The following DACH2 variants were observed in gnomAD, a reference collection of about 807,000 sequenced individuals.
DACH2 encodes dachshund homolog 2.
In DACH2, 17 loss-of-function variants were observed where a neutral mutation model predicts 35.8. The ratio of observed to expected loss-of-function variants is 0.48; its 90% CI spans 0.33 to 0.71. The LOEUF (loss-of-function observed/expected upper bound fraction) is 0.71, where lower values mean the gene tolerates loss of function less well. Among genes scored for constraint, DACH2 ranks in the 30% least tolerant of loss-of-function variants. DACH2 has a pLI of 0.02. For missense variants in DACH2, 469 were observed against 472.7 expected (o/e 0.99, Z 0.07); for synonymous variants, 195 against 177.3 (o/e 1.10, Z -0.79).
At chrX:86,153,411 C>T (rs1347162902) in intron 1 of DACH2, among the ~76,000 whole-genome samples, 2 of 110,870 alleles carry the variant, frequency 1.8e-5, no homozygotes, top group Non-Finnish European at 3.8e-5. Context: ...TTATTATGAG[C>T]GCTCAATGAG....
chrX:86,205,486 TTCCC>T (rs766340631), intron 1 of DACH2, among the ~76,000 whole-genome samples: 968 of 46,624 alleles, frequency 0.021, 9 homozygotes, highest in African/African-American at 0.049. Flanking sequence ...CCTTCCCTCC[TTCCC>T]TCCTTCCTTC....
At chrX:86,784,144 TAA>T (rs1278713028) in intron 7 of DACH2, among the ~76,000 whole-genome samples, 1 of 103,374 alleles carries the variant, frequency 9.7e-6, no homozygotes, top group Non-Finnish European at 2.0e-5. Flanking sequence ...AGATAAAAAT[TAA>T]AAAAAAAACT....
chrX:86,424,703 C>G (rs1421318846), intron 2 of DACH2, among the ~76,000 whole-genome samples: 1 of 111,519 alleles, frequency 9.0e-6, no homozygotes, highest in Non-Finnish European at 1.9e-5. Flanking sequence ...CTAGCCAGGA[C>G]TTCCAGTACT....
At chrX:86,749,363 C>T (rs923308708) in intron 7 of DACH2, among the ~76,000 whole-genome samples, 1 of 111,697 alleles carries the variant, frequency 9.0e-6, no homozygotes, top group East Asian at 2.8e-4. Context: ...CGATTTAAAG[C>T]GAGATACATG....
At chrX:86,375,480 G>A (rs891572016) in intron 1 of DACH2, among the ~76,000 whole-genome samples, 8 of 103,112 alleles carry the variant, frequency 7.8e-5, no homozygotes, top group Non-Finnish European at 5.9e-5. Context: ...AAAAAGAGAC[G>A]GACCTTTGGT....
At chrX:86,756,111 C>T (rs2041826373) in intron 7 of DACH2, among the ~76,000 whole-genome samples, 2 of 111,224 alleles carry the variant, frequency 1.8e-5, no homozygotes, top group Non-Finnish European at 1.9e-5. Context: ...AATTTTTATA[C>T]CAAATACCAT....
intron 2 of DACH2, among the ~76,000 whole-genome samples, chrX:86,454,586 T>C (rs945771560): frequency 1.8e-5 from 2 of 112,426 alleles, no homozygotes; most frequent in African/African-American, 6.5e-5. Flanking sequence ...GTGATTGCAT[T>C]GTGAAATTCT....
At chrX:86,773,099 A>G (rs1207913079) in intron 7 of DACH2, among the ~76,000 whole-genome samples, 3 of 111,466 alleles carry the variant, frequency 2.7e-5, no homozygotes, top group Non-Finnish European at 5.7e-5. Flanking sequence ...GATTTTCCTA[A>G]CCTAAGGAAC....
intron 7 of DACH2, among the ~76,000 whole-genome samples, chrX:86,758,212 GT>G (rs2041847260): frequency 9.0e-6 from 1 of 111,536 alleles, no homozygotes; most frequent in Non-Finnish European, 1.9e-5. Context: ...CCAACTATGT[GT>G]TTTGTTGATT....
chrX:86,717,544 G>T (rs1030845705), intron 6 of DACH2, among the ~76,000 whole-genome samples: 3 of 109,033 alleles, frequency 2.8e-5, no homozygotes, highest in Non-Finnish European at 5.7e-5. Flanking sequence ...TGAGAGGTCT[G>T]TTATTAAAAT....
At chrX:86,400,288 T>C (rs1245444379) in intron 2 of DACH2, among the ~76,000 whole-genome samples, 2 of 111,339 alleles carry the variant, frequency 1.8e-5, no homozygotes, top group Non-Finnish European at 3.8e-5. Flanking sequence ...TCGTCTAGTT[T>C]TTTTTTCAAA....
At chrX:86,172,462 G>A (rs1459778226) in intron 1 of DACH2, among the ~76,000 whole-genome samples, 1 of 111,956 alleles carries the variant, frequency 8.9e-6, no homozygotes, top group Admixed American at 9.5e-5. Context: ...ACTATCTGAG[G>A]TTATTCTCAC....
At chrX:86,720,074 A>G (rs2148464449) in intron 6 of DACH2, among the ~76,000 whole-genome samples, 1 of 106,437 alleles carries the variant, frequency 9.4e-6, no homozygotes, top group South Asian at 4.3e-4. Context: ...GAGTAGCTGG[A>G]CTATAGGCCC....
chrX:86,548,093 A>G (rs1396098241), intron 3 of DACH2, among the ~76,000 whole-genome samples: 1 of 112,515 alleles, frequency 8.9e-6, no homozygotes, highest in Non-Finnish European at 1.9e-5. Flanking sequence ...GCCTTCACTT[A>G]GTGTGAAATT....
chrX:86,174,610 A>G (rs921732836), intron 1 of DACH2, among the ~76,000 whole-genome samples: 1 of 112,037 alleles, frequency 8.9e-6, no homozygotes, highest in Non-Finnish European at 1.9e-5. Context: ...TGTAGTCTTT[A>G]TGGGATCAGT....
At chrX:86,705,502 A>T (rs1178926093) in intron 5 of DACH2, among the ~76,000 whole-genome samples, 1 of 111,401 alleles carries the variant, frequency 9.0e-6, no homozygotes, top group Non-Finnish European at 1.9e-5. Context: ...GCTCAACATC[A>T]CTAATCAATA....
intron 5 of DACH2, among the ~76,000 whole-genome samples, chrX:86,711,002 C>T (rs2148457606): frequency 8.9e-6 from 1 of 111,950 alleles, no homozygotes; most frequent in African/African-American, 3.2e-5. Flanking sequence ...AAGTTTGTAC[C>T]TTTCATGGCT....
At chrX:86,408,506 A>T (rs1178507504) in intron 2 of DACH2, among the ~76,000 whole-genome samples, 1 of 112,109 alleles carries the variant, frequency 8.9e-6, no homozygotes, top group African/African-American at 3.2e-5. Context: ...TCTTACGAGT[A>T]TTATTATTAC....
chrX:86,758,478 G>A (rs2041849615), intron 7 of DACH2, among the ~76,000 whole-genome samples: 2 of 111,113 alleles, frequency 1.8e-5, no homozygotes, highest in South Asian at 7.4e-4. Flanking sequence ...TTTCTTTCTC[G>A]ACCCAATTGA....
Sources: gnomAD v4.1 joint callset for allele counts (sites outside exome capture counted in the v4.1 genomes callset) on GRCh38, gnomAD v4.1.1 for gene constraint, MANE v1.5 for transcripts, NCBI Gene and HGNC (gene_info 2026-07-23, HGNC 2026-07-21) for gene names.